The following NPHP4 variants were observed in gnomAD, a reference collection of about 807,000 sequenced individuals.
NPHP4 encodes the protein nephrocystin 4.
A neutral mutation model predicts 155.8 loss-of-function variants in NPHP4; 151 were observed. The observed-to-expected ratio is 0.97, with a 90% CI of 0.85 to 1.11. The LOEUF is 1.11. Ranked by LOEUF, NPHP4 falls within the 50% of genes least tolerant of loss-of-function variation. NPHP4 has a pLI of 0.00. For synonymous variants in NPHP4, 845 were observed against 816.8 expected, an observed-to-expected ratio of 1.03 and a Z score of -0.59; for missense variants, 1,956 against 1,925.7, an observed-to-expected ratio of 1.02 and a Z score of -0.29.
chr1:5,912,079 G>C (rs1645205177), intron 11 of NPHP4, among the ~76,000 whole-genome samples: 1 of 152,206 alleles, frequency 6.6e-6, no homozygotes, highest in Admixed American at 6.5e-5. Context: ...GGCTGTCTGG[G>C]GCAGCGCTGC....
At chr1:5,893,414 C>T (rs1042320011) in intron 16 of NPHP4, among the ~76,000 whole-genome samples, 12 of 152,294 alleles carry the variant, frequency 7.9e-5, no homozygotes, top group Non-Finnish European at 1.6e-4. Flanking sequence ...ACGCGGGTCA[C>T]GTGTCCACTG....
Position 5,933,287 on chromosome 1 carries a change from T to A in NPHP4, c.1162A>T (p.Met388Leu). 6.2e-7 allele frequency: 1 copy of A among 1,613,528 alleles called. No homozygotes were observed. Residue 388 changes from methionine (M) to leucine (L), a missense_variant, in exon 10 of 30, where the codon ATG (methionine) becomes TTG (leucine). Met to Leu is a conservative substitution (Grantham distance 15). Coordinates refer to ENST00000378156, the MANE Select transcript of NPHP4 (RefSeq NM_015102.5). Reference sequence around the variant, plus strand: ...GGGTTCCAAACAGCCCAGCGGACCATGTGCATGCATGCCAGGTTGGACAGA... The same window carrying A: ...GGGTTCCAAACAGCCCAGCGGACCAAGTGCATGCATGCCAGGTTGGACAGA... ...TSLSNLACMHMVRWAVWNPLL... is the reference protein window; with the variant it reads ...TSLSNLACMHLVRWAVWNPLL...
chr1:5,907,755 A>G (rs1644983497), intron 12 of NPHP4, among the ~76,000 whole-genome samples: 1 of 152,222 alleles, frequency 6.6e-6, no homozygotes, highest in African/African-American at 2.4e-5. Flanking sequence ...CAGGCAAGTC[A>G]GCTAACCTCT....
chr1:5,978,852 G>T (rs4908641), intron 2 of NPHP4, among the ~76,000 whole-genome samples: 127,675 of 152,212 alleles, frequency 0.84, 53,792 homozygotes, highest in African/African-American at 0.94. Flanking sequence ...CGCCTCTCAC[G>T]TAAATCATTT....
intron 6 of NPHP4, among the ~76,000 whole-genome samples, chr1:5,953,446 T>C (rs1026258999): frequency 2.0e-5 from 3 of 152,128 alleles, no homozygotes; most frequent in Non-Finnish European, 4.4e-5. Flanking sequence ...GAACACAGAT[T>C]GGAGAAGGCA....
intron 6 of NPHP4, among the ~76,000 whole-genome samples, chr1:5,958,593 G>C (rs539622005): frequency 5.9e-5 from 9 of 151,958 alleles, no homozygotes; most frequent in Non-Finnish European, 8.8e-5. Context: ...TACTCGGGAG[G>C]CTGAGGGAGG....
rs1288339428 is a variant in NPHP4, at chr1:5,867,976, T to C, written c.3316-80A>G. 1 of 1,470,456 alleles carries C rather than the reference T, an allele frequency of 6.8e-7. No individual in the cohort carries two copies. The highest frequency in any genetic ancestry group is 1.7e-5 in the Admixed American group (1 of 59,018). The allele number at this position is 1,470,456 out of a possible 1,614,324, so 91.1% of individuals were successfully genotyped here. A position where few individuals can be genotyped will look rare whatever the true frequency, so the allele number is the denominator to read the frequency against. Reference sequence around the variant, plus strand: ...CTTGTCCCTCCTTAGACAGCACACGTATCTCCACTGTTGCCAAGACCCCCT... The same window carrying C: ...CTTGTCCCTCCTTAGACAGCACACGCATCTCCACTGTTGCCAAGACCCCCT... On this transcript the variant is annotated intron_variant, in intron 23 of 29. Transcript: ENST00000378156. The surrounding 1 kb of genome is among the most constrained non-coding windows in gnomAD (Gnocchi z 4.1).
At chr1:5,906,091 A>C (rs1644902688) in intron 13 of NPHP4, among the ~76,000 whole-genome samples, 1 of 152,168 alleles carries the variant, frequency 6.6e-6, no homozygotes, top group African/African-American at 2.4e-5. Context: ...AGAAGCGGTG[A>C]GGAGGGAATC....
intron 6 of NPHP4, among the ~76,000 whole-genome samples, chr1:5,956,044 A>G: frequency 9.1e-6 from 1 of 109,884 alleles, no homozygotes; most frequent in Non-Finnish European, 1.9e-5. Flanking sequence ...ATTTTAACAG[A>G]ATGTTTCAAA....
chr1:5,940,163 G>A (rs1167106014), intron 9 of NPHP4, among the ~76,000 whole-genome samples: 1 of 152,212 alleles, frequency 6.6e-6, no homozygotes, highest in East Asian at 1.9e-4. Context: ...CCAGGGCTGG[G>A]AGGTGGAGCC....
Position 5,879,798 on chromosome 1 carries a change from AACACACACACACACGCAAAC to A in NPHP4, c.2611+296_2611+315del, listed in dbSNP as rs796734819. Among the ~76,000 whole-genome samples, 455 of 75,774 alleles carry A rather than the reference AACACACACACACACGCAAAC, an allele frequency of 6.0e-3. 6 individuals carry two copies. The highest frequency in any genetic ancestry group is 0.024 in the African/African-American group (427 of 17,502). 49.7% of individuals were successfully genotyped at this position (75,774 alleles called of 152,430 possible). A position where few individuals can be genotyped will look rare whatever the true frequency, so the allele number is the denominator to read the frequency against. Reference sequence around the variant, plus strand: ...GTGCGCACACACACACACACACGCAAACACACACACACACGCAAACACACACACACACGCAAACACACACA... The same window carrying A: ...GTGCGCACACACACACACACACGCAAACACACACACACGCAAACACACACA... On this transcript the variant is annotated intron_variant, in intron 19 of 29. Transcript: ENST00000378156.
chr1:5,974,408 CCA>C (rs1282464833), intron 3 of NPHP4, among the ~76,000 whole-genome samples: 1 of 152,202 alleles, frequency 6.6e-6, no homozygotes, highest in African/African-American at 2.4e-5. Flanking sequence ...ACTACACCGG[CCA>C]CACACAGTCA....
At chr1:5,870,815 C>A (rs912202298) in intron 23 of NPHP4, among the ~76,000 whole-genome samples, 1 of 152,228 alleles carries the variant, frequency 6.6e-6, no homozygotes, top group Non-Finnish European at 1.5e-5. Context: ...CAGACCAGCC[C>A]CACTGGGCAC....
At chr1:5,899,488 T>C (rs918351668) in intron 16 of NPHP4, among the ~76,000 whole-genome samples, 11 of 152,172 alleles carry the variant, frequency 7.2e-5, no homozygotes, top group African/African-American at 2.4e-4. Context: ...GGTGGTTCCC[T>C]TGGGGGAGGT....
intron 11 of NPHP4, among the ~76,000 whole-genome samples, chr1:5,924,291 G>C (rs971445480): frequency 2.0e-5 from 3 of 152,142 alleles, no homozygotes; most frequent in Non-Finnish European, 2.9e-5. Flanking sequence ...CTCTGAATGA[G>C]AGGATGAGAG....
At chr1:5,868,593 CCCA>C (rs1431186124) in intron 23 of NPHP4, among the ~76,000 whole-genome samples, 1 of 151,408 alleles carries the variant, frequency 6.6e-6, no homozygotes, top group Non-Finnish European at 1.5e-5. Context: ...TACATGCACA[CCCA>C]CATGCATGCA....
chr1:5,909,581 G>A (rs1441072875), intron 11 of NPHP4, among the ~76,000 whole-genome samples: 13 of 152,190 alleles, frequency 8.5e-5, no homozygotes, highest in Non-Finnish European at 1.5e-5. Flanking sequence ...GGTTGCCCCA[G>A]TCTTGCAGCT....
At chr1:5,938,075 G>A (rs1482336349) in intron 9 of NPHP4, among the ~76,000 whole-genome samples, 3 of 152,328 alleles carry the variant, frequency 2.0e-5, no homozygotes, top group Admixed American at 6.5e-5. Context: ...CGCACACGGC[G>A]GGTGGCACAG....
chr1:5,976,446 C>T (rs1653599869), intron 3 of NPHP4, among the ~76,000 whole-genome samples: 1 of 152,208 alleles, frequency 6.6e-6, no homozygotes, highest in Non-Finnish European at 1.5e-5. Flanking sequence ...AAAGCTAAAG[C>T]TAAACAGCTC....
Sources: gnomAD v4.1 joint callset for allele counts (sites outside exome capture counted in the v4.1 genomes callset) on GRCh38, gnomAD v4.1.1 for gene constraint, Gnocchi (gnomAD v3.1) non-coding constraint, MANE v1.5 for transcripts, NCBI Gene and HGNC (gene_info 2026-07-23, HGNC 2026-07-21) for gene names.